The following ANK2 variants were observed in gnomAD, a reference collection of about 807,000 sequenced individuals.
ANK2 encodes ankyrin 2.
Under a neutral mutation model 360.5 loss-of-function variants are expected in ANK2, and 83 were observed. That is an observed-to-expected ratio of 0.23 (90% CI 0.19 to 0.28). ANK2 has a LOEUF of 0.28. Among genes scored for constraint, ANK2 ranks in the 10% least tolerant of loss-of-function variants. ANK2 has a pLI of 1.00. For synonymous variants in ANK2, 1,740 were observed against 1,759.5 expected, an observed-to-expected ratio of 0.99 and a Z score of 0.28; for missense variants, 4,201 against 4,795.7, an observed-to-expected ratio of 0.88 and a Z score of 3.66.
At chr4:112,880,074 TCA>T (rs386401176) in intron 1 of ANK2, among the ~76,000 whole-genome samples, 76 of 150,360 alleles carry the variant, frequency 5.1e-4, no homozygotes, top group Admixed American at 1.6e-3. Context: ...TCTCTCTCTC[TCA>T]CACACACACA....
chr4:113,174,840 G>T (rs1205843807), intron 2 of ANK2, among the ~76,000 whole-genome samples: 1 of 151,948 alleles, frequency 6.6e-6, no homozygotes, highest in Non-Finnish European at 1.5e-5. Flanking sequence ...TCCAGATCTT[G>T]GCTTCTTTCC....
chr4:112,793,746 C>G, the ANK2 span, among the ~76,000 whole-genome samples: 1 of 148,304 alleles, frequency 6.7e-6, no homozygotes, highest in Non-Finnish European at 1.5e-5. Context: ...TACTCTGTCG[C>G]CCAGGCTGGA....
At chr4:112,735,771 T>A in the ANK2 span, among the ~76,000 whole-genome samples, 1 of 152,212 alleles carries the variant, frequency 6.6e-6, no homozygotes, top group African/African-American at 2.4e-5. Flanking sequence ...CACATTGTTC[T>A]GCAACTAATT....
At chr4:112,907,094 A>G (rs1041778853) in intron 2 of ANK2, among the ~76,000 whole-genome samples, 12 of 152,168 alleles carry the variant, frequency 7.9e-5, no homozygotes, top group African/African-American at 2.7e-4. Context: ...TTTTGCCATG[A>G]CTGAAGAGAG....
chr4:112,933,819 G>C (rs2093482978), intron 2 of ANK2, among the ~76,000 whole-genome samples: 1 of 152,020 alleles, frequency 6.6e-6, no homozygotes, highest in East Asian at 1.9e-4. Context: ...TAATTCATAT[G>C]AAAGAACTCT....
upstream of ANK2, among the ~76,000 whole-genome samples, chr4:113,044,907 G>C (rs1032759658): frequency 1.3e-5 from 2 of 150,044 alleles, no homozygotes; most frequent in African/African-American, 4.9e-5. Context: ...TGTCCAAAAG[G>C]AAAAAAAAAT....
At chr4:113,373,656 A>C in intron 45 of ANK2, 4 of 756,820 alleles carry the variant, frequency 5.3e-6, no homozygotes, top group Non-Finnish European at 7.2e-6. Context: ...CATTATACTC[A>C]TTGTTTTTGT....
intron 1 of ANK2, among the ~76,000 whole-genome samples, chr4:113,133,794 C>T (rs954222428): frequency 6.6e-6 from 1 of 151,952 alleles, no homozygotes; most frequent in Admixed American, 6.6e-5. Context: ...CCCTTTTGTC[C>T]AATGGAAAAA....
chr4:112,850,504 C>CT lies in ANK2; in HGVS notation c.-40+32270dup, dbSNP rs60510554. On this transcript the variant is annotated intron_variant, in intron 1 of 30. Transcript: ENST00000503271. Reference sequence around the variant, plus strand: ...TTTTTTTAACATTTCCTGTGCTAGTCTTTTTTTTTTTTTTTTTTTTTTTTT... The same window carrying CT: ...TTTTTTTAACATTTCCTGTGCTAGTCTTTTTTTTTTTTTTTTTTTTTTTTTT... Among the ~76,000 whole-genome samples the CT allele has an allele frequency of 6.9e-3, 40 of 5,816 alleles. 18 individuals carry two copies. The highest frequency in any genetic ancestry group is 0.2 in the Middle Eastern group (2 of 10). 3.8% of individuals were successfully genotyped at this position (5,816 alleles called of 152,430 possible). A position where few individuals can be genotyped will look rare whatever the true frequency, so the allele number is the denominator to read the frequency against.
rs2095590693 is a variant in ANK2 at position 113,354,160 on chromosome 4, T to C, written c.5542T>C (p.Ser1848Pro). The change falls in exon 38 of 46, where the codon TCA (serine) becomes CCA (proline). Residue 1848 changes from serine (S) to proline (P), a missense_variant. Coordinates refer to ENST00000357077, the MANE Select transcript of ANK2 (RefSeq NM_001148.6). ...KTERHPPVSP[S>P]SKTEKHSPVS... ...TGAAAGGCACCCTCCAGTATCACCA[T>C]CAAGTAAAACTGAGAAACACTCACC... The C allele has an allele frequency of 6.2e-7, 1 of 1,613,932 alleles. No individual in the cohort carries two copies. Among genetic ancestry groups the C allele is most frequent in the African/African-American group, 1.3e-5 (1 of 74,884 alleles).
At chr4:112,795,187 T>C in the ANK2 span, among the ~76,000 whole-genome samples, 1 of 152,192 alleles carries the variant, frequency 6.6e-6, no homozygotes, top group Non-Finnish European at 1.5e-5. Flanking sequence ...CCAATAAATG[T>C]AGAAGAGAGA....
intron 1 of ANK2, chr4:112,827,062 A>G: frequency 3.2e-6 from 4 of 1,243,476 alleles, no homozygotes; most frequent in Non-Finnish European, 4.7e-6. Flanking sequence ...TGTTGCTGTG[A>G]ACTTGATCAC....
At chr4:113,350,533 G>C (rs2095344527) in intron 37 of ANK2, 1 of 342,048 alleles carries the variant, frequency 2.9e-6, no homozygotes, top group East Asian at 5.4e-5. Flanking sequence ...TGCTTGTTTA[G>C]AAACCCACCC....
intron 1 of ANK2, among the ~76,000 whole-genome samples, chr4:112,838,622 C>T (rs2061476481): frequency 6.6e-6 from 1 of 152,220 alleles, no homozygotes; most frequent in African/African-American, 2.4e-5. Context: ...AATCCCAGCA[C>T]TTTGGGAGGC....
intron 22 of ANK2, among the ~76,000 whole-genome samples, chr4:113,302,423 CACTT>C (rs2075441399): frequency 6.6e-6 from 1 of 152,148 alleles, no homozygotes; most frequent in African/African-American, 2.4e-5. Flanking sequence ...CTGGAAACGT[CACTT>C]AGTTCATTTT....
chr4:112,834,179 G>T (rs2060487430), intron 1 of ANK2, among the ~76,000 whole-genome samples: 1 of 152,120 alleles, frequency 6.6e-6, no homozygotes, highest in South Asian at 2.1e-4. Context: ...CCAGTTCAAT[G>T]CATATATCAA....
At chr4:112,903,712 A>G (rs550142770) in intron 1 of ANK2, among the ~76,000 whole-genome samples, 3 of 152,218 alleles carry the variant, frequency 2.0e-5, no homozygotes, top group Non-Finnish European at 4.4e-5. Flanking sequence ...ATCTCTTGAT[A>G]TTGTGTAACA....
intron 5 of ANK2, 36 bp from the exon 6 acceptor site, chr4:113,236,951 A>G (rs549652839): frequency 6.2e-7 from 1 of 1,600,972 alleles, no homozygotes; most frequent in African/African-American, 1.3e-5. Context: ...GCATCTGAAG[A>G]TGTTAACAGA....
chr4:112,725,694 G>A, the ANK2 span, among the ~76,000 whole-genome samples: 4 of 152,140 alleles, frequency 2.6e-5, no homozygotes, highest in East Asian at 5.8e-4. Flanking sequence ...AGCCAACCAC[G>A]ATTCCAAATA....
Sources: allele counts gnomAD v4.1 joint callset (sites outside exome capture counted in the v4.1 genomes callset), GRCh38; gene constraint gnomAD v4.1.1; transcripts MANE v1.5; gene names NCBI Gene and HGNC (gene_info 2026-07-23, HGNC 2026-07-21).